Variants in AGAP6 observed in about 807,000 individuals in gnomAD.
AGAP6 encodes arf-GAP with GTPase, ANK repeat and PH domain-containing protein 6.
Under a neutral mutation model 63.9 loss-of-function variants are expected in AGAP6, and 29 were observed. The ratio of observed to expected loss-of-function variants is 0.45; its 90% CI spans 0.34 to 0.62. The LOEUF is 0.62. Ranked by LOEUF, AGAP6 falls within the 20% of genes least tolerant of loss-of-function variation. The pLI, the probability that AGAP6 is intolerant of heterozygous loss-of-function variation, is 0.01. For missense variants in AGAP6, 493 were observed against 884.9 expected, an observed-to-expected ratio of 0.56 and a Z score of 5.62; for synonymous variants, 199 against 332.9, an observed-to-expected ratio of 0.60 and a Z score of 4.38.
Position 50,008,909 on chromosome 10 carries a change from C to A in AGAP6, c.784C>A (p.Pro262Thr). 6.2e-7 allele frequency: 1 copy of A among 1,606,068 alleles called. No individual in the cohort carries two copies. Among genetic ancestry groups the A allele is most frequent in the African/African-American group, 1.3e-5 (1 of 74,484 alleles). ...NLFTSEKGSDPDKERKAPENH... is the reference protein window; with the variant it reads ...NLFTSEKGSDTDKERKAPENH... ...GTTTACATCTGAGAAAGGGAGTGACCCAGACAAAGAGAGGAAAGCCCCGGA... is the reference window on the plus strand; with the variant it reads ...GTTTACATCTGAGAAAGGGAGTGACACAGACAAAGAGAGGAAAGCCCCGGA... Residue 262 changes from proline to threonine, a missense_variant, in exon 8 of 8, where the codon CCA becomes ACA. By Grantham distance (38) the Pro-to-Thr change is conservative (BLOSUM62 -1). This residue lies in a region of AGAP6 where 342 missense variants were observed against 533.4 expected (regional missense o/e 0.64). Transcript: ENST00000412531.
At chr10:49,999,355 C>CA (rs1841609484) in intron 4 of AGAP6, among the ~76,000 whole-genome samples, 1 of 135,220 alleles carries the variant, frequency 7.4e-6, no homozygotes, top group Non-Finnish European at 1.6e-5. Flanking sequence ...GAATTAAAAA[C>CA]AAAAAATCAC....
chr10:50,008,298 CTTTTT>C (rs1181143677), intron 7 of AGAP6, among the ~76,000 whole-genome samples: 1 of 118,188 alleles, frequency 8.5e-6, no homozygotes, highest in Non-Finnish European at 1.7e-5. Context: ...GAAGATGTAT[CTTTTT>C]TTTTTTTTTT....
rs531868308 is a variant in AGAP6 at position 49,989,250 on chromosome 10, G to A, written c.224-58G>A. On this transcript the variant is annotated intron_variant, in intron 1 of 7. Transcript: ENST00000412531. ...GAATAAGCAGCAGTTGAATAAATAA[G>A]TTGATAAATTTTTATAAATGATTAC... 5.6e-6 allele frequency: 9 copies of A among 1,594,534 alleles called. No individual in the cohort carries two copies. The Admixed American group carries it at 1.0e-4, about 18-fold the overall frequency.
intron 3 of AGAP6, among the ~76,000 whole-genome samples, chr10:49,993,503 G>A (rs1268981770): frequency 1.4e-4 from 21 of 152,018 alleles, no homozygotes; most frequent in African/African-American, 5.1e-4. Flanking sequence ...TGTCCAATTA[G>A]GTTTGTATAC....
chr10:50,009,686 C>T lies in AGAP6; in HGVS notation c.1561C>T (p.Leu521=). ...PHLSRVRSLE[L]DDWPVELRKV... is the part of the protein sequence containing the mutation. ...CCTTTCCCGTGTGCGATCTCTGGAG[C>T]TGGATGACTGGCCAGTTGAGCTCAG... The change falls in exon 8 of 8, where the codon CTG becomes TTG. Residue 521 remains leucine, a synonymous_variant. Coordinates refer to ENST00000412531, the MANE Select transcript of AGAP6 (RefSeq NM_001077665.3). 1 of 1,614,232 alleles carries T rather than the reference C, an allele frequency of 6.2e-7. No individual in the cohort carries two copies. Among genetic ancestry groups the T allele is most frequent in the Non-Finnish European group, 8.5e-7 (1 of 1,180,042 alleles).
intron 4 of AGAP6, among the ~76,000 whole-genome samples, chr10:50,001,187 G>A (rs1185521578): frequency 1.4e-5 from 2 of 147,802 alleles, no homozygotes; most frequent in Non-Finnish European, 3.0e-5. Flanking sequence ...AAAGTTAGCC[G>A]GGCATGGTGG....
Position 50,009,775 on chromosome 10 carries a change from G to A in AGAP6, c.1650G>A (p.Gly550=), listed in dbSNP as rs781851955. ...GCATCTGGGAAGGGAGCAGCCAGGGGCAGACAAAACCCTCAGAAAAGTCCA... is the reference window on the plus strand; with the variant it reads ...GCATCTGGGAAGGGAGCAGCCAGGGACAGACAAAACCCTCAGAAAAGTCCA... ...ANSIWEGSSQ[G]QTKPSEKSTR... Residue 550 remains glycine (G), a synonymous_variant, in exon 8 of 8, where the codon GGG becomes GGA. Transcript: ENST00000412531. 69 of 1,613,826 alleles carry A rather than the reference G, an allele frequency of 4.3e-5. No individual in the cohort carries two copies. In the Middle Eastern group the frequency reaches 5.0e-4, roughly 12 times the overall value.
chr10:49,989,413 TGTG>T (rs782367279), intron 2 of AGAP6, 37 bp downstream of exon 2: 2 of 1,597,126 alleles, frequency 1.3e-6, no homozygotes, highest in Non-Finnish European at 1.7e-6. Context: ...TTTATTATCC[TGTG>T]GTACTTTGTT....
intron 4 of AGAP6, among the ~76,000 whole-genome samples, chr10:50,001,464 G>A (rs1351330330): frequency 4.4e-5 from 5 of 114,222 alleles, no homozygotes; most frequent in Non-Finnish European, 7.7e-5. Flanking sequence ...TTGTCTGCCG[G>A]CCTGGAGTGC....
chr10:50,003,754 G>A (rs1841798346), intron 5 of AGAP6, among the ~76,000 whole-genome samples: 1 of 152,186 alleles, frequency 6.6e-6, no homozygotes, highest in South Asian at 2.1e-4. Flanking sequence ...GCTCCTATTT[G>A]GTGGGACCTT....
intron 2 of AGAP6, among the ~76,000 whole-genome samples, chr10:49,989,649 A>G (rs1225490384): frequency 6.6e-6 from 1 of 151,866 alleles, no homozygotes; most frequent in African/African-American, 2.4e-5. Context: ...GGAGGTTGCC[A>G]CGGGAGAGGC....
In AGAP6 at chr10:50,009,050, T is replaced by C. The variant is rs1554864713; in HGVS notation, c.925T>C (p.Ser309Pro). 7 of 1,613,570 alleles carry C rather than the reference T, an allele frequency of 4.3e-6. No individual in the cohort carries two copies. In the South Asian group the frequency reaches 7.7e-5, roughly 18 times the overall value. The stretch of plus-strand genomic sequence containing the variant: ...GAAAAAGAAATACGTCACCCTGTGT[T>C]CCAATGGCATGCTCACCTATTATTC... Reference protein sequence around the residue: ...TWKKKYVTLCSNGMLTYYSSL... With the variant: ...TWKKKYVTLCPNGMLTYYSSL... Residue 309 changes from serine to proline, a missense_variant, in exon 8 of 8, where the codon TCC (serine) becomes CCC (proline). By Grantham distance (74) the Ser-to-Pro change is moderately conservative. This residue lies in a region of AGAP6 where 342 missense variants were observed against 533.4 expected (regional missense o/e 0.64). Coordinates refer to ENST00000412531, the MANE Select transcript of AGAP6 (RefSeq NM_001077665.3).
chr10:50,008,644 G>C, intron 7 of AGAP6, 67 bp from the exon 8 acceptor site: 1 of 1,599,986 alleles, frequency 6.3e-7, no homozygotes, highest in Non-Finnish European at 8.5e-7. Flanking sequence ...GTAATTGTGA[G>C]CTGTCTATAG....
chr10:49,999,502 AC>A (rs1554862614), intron 4 of AGAP6, among the ~76,000 whole-genome samples: 1 of 139,072 alleles, frequency 7.2e-6, no homozygotes, highest in East Asian at 2.3e-4. Flanking sequence ...CCCACAACCA[AC>A]ATAATACTGA....
At chr10:50,008,201 G>A in intron 7 of AGAP6, 125 bp downstream of exon 7, 19 of 1,508,972 alleles carry the variant, frequency 1.3e-5, no homozygotes, top group Non-Finnish European at 1.6e-5. Context: ...CTTAAGTGTT[G>A]TAAAAAGAAT....
At chr10:50,003,870 T>C (rs1177924432) in intron 5 of AGAP6, among the ~76,000 whole-genome samples, 1 of 152,222 alleles carries the variant, frequency 6.6e-6, no homozygotes, top group Non-Finnish European at 1.5e-5. Context: ...TTAAATTCTG[T>C]GATTTTAAAA....
chr10:50,010,399 C>G lies in AGAP6; in HGVS notation c.*213C>G. 3 of 1,028,074 alleles carry G rather than the reference C, an allele frequency of 2.9e-6. No homozygotes were observed. 63.7% of individuals were successfully genotyped at this position (1,028,074 alleles called of 1,614,324 possible). On this transcript the variant is annotated 3_prime_UTR_variant, in exon 8 of 8. Transcript: ENST00000412531. ...CAAGGTGGATTTGTTAGTCTCAGGC[C>G]CTCCTGGCCACATTGCCCAAGTCAC...
chr10:50,001,212 C>T (rs1554862810), intron 4 of AGAP6, among the ~76,000 whole-genome samples: 1 of 147,850 alleles, frequency 6.8e-6, no homozygotes, highest in Non-Finnish European at 1.5e-5. Flanking sequence ...CGCCTGTAGT[C>T]CCAGCTACTC....
intron 7 of AGAP6, 27 bp downstream of exon 7, chr10:50,008,103 A>G (rs1554864282): frequency 4.3e-6 from 7 of 1,611,822 alleles, no homozygotes; most frequent in Admixed American, 1.7e-5. Context: ...TTGAGGTTGT[A>G]TTTTCATCAT....
Sources: allele counts gnomAD v4.1 joint callset (sites outside exome capture counted in the v4.1 genomes callset), GRCh38; gene constraint gnomAD v4.1.1; regional missense constraint gnomAD v4.1.1; transcripts MANE v1.5; gene names NCBI Gene and HGNC (gene_info 2026-07-23, HGNC 2026-07-21).